FIGN: variants seen among roughly 807,000 people sequenced by gnomAD.
The protein encoded by FIGN is fidgetin.
In FIGN, 11 loss-of-function variants were observed where a neutral mutation model predicts 51.3. The observed-to-expected ratio is 0.21, with a 90% CI of 0.13 to 0.35. FIGN has a LOEUF of 0.35. Among genes scored for constraint, FIGN ranks in the 10% least tolerant of loss-of-function variants. FIGN has a pLI of 1.00. For synonymous variants in FIGN, 407 were observed against 363.2 expected (o/e 1.12, Z -1.37); for missense variants, 857 against 943.6 (o/e 0.91, Z 1.20).
chr2:163,662,577 C>A (rs1381464472), intron 2 of FIGN, among the ~76,000 whole-genome samples: 1 of 152,172 alleles, frequency 6.6e-6, no homozygotes, highest in Admixed American at 6.5e-5. Context: ...CCATCACAGG[C>A]CCAGAGGCTG....
intron 2 of FIGN, among the ~76,000 whole-genome samples, chr2:163,618,734 C>A (rs1682919173): frequency 6.6e-6 from 1 of 152,096 alleles, no homozygotes; most frequent in Non-Finnish European, 1.5e-5. Flanking sequence ...CATATCCTAC[C>A]CTTTCCACTT....
intron 2 of FIGN, among the ~76,000 whole-genome samples, chr2:163,687,308 T>A (rs1211322193): frequency 6.6e-6 from 1 of 152,152 alleles, no homozygotes; most frequent in Non-Finnish European, 1.5e-5. Flanking sequence ...AACAAAACCT[T>A]TCTCCAGAGC....
intron 2 of FIGN, chr2:163,612,722 T>TG: frequency 1.9e-5 from 4 of 210,258 alleles, no homozygotes; most frequent in African/African-American, 3.0e-5. Context: ...GTGTGTGTAT[T>TG]TATACACATC....
chr2:163,719,775 G>A (rs984824942), intron 2 of FIGN, among the ~76,000 whole-genome samples: 1 of 152,114 alleles, frequency 6.6e-6, no homozygotes, highest in African/African-American at 2.4e-5. Context: ...CTTTGATCAC[G>A]TAGCATATCA....
chr2:163,702,655 C>G (rs1684427288), intron 2 of FIGN, among the ~76,000 whole-genome samples: 1 of 152,042 alleles, frequency 6.6e-6, no homozygotes, highest in Admixed American at 6.6e-5. Flanking sequence ...TTATGAACAT[C>G]ATATGATTAA....
At chr2:163,726,705 A>T (rs1375208891) in intron 2 of FIGN, among the ~76,000 whole-genome samples, 12 of 152,116 alleles carry the variant, frequency 7.9e-5, no homozygotes, top group Non-Finnish European at 1.8e-4. Context: ...ACAAGAACAT[A>T]TTCCATTTAG....
At chr2:163,726,908 C>T (rs909597018) in intron 2 of FIGN, among the ~76,000 whole-genome samples, 1 of 151,956 alleles carries the variant, frequency 6.6e-6, no homozygotes, top group African/African-American at 2.4e-5. Flanking sequence ...CTGTTTATTT[C>T]ATAGTATTTG....
chr2:163,734,744 GA>G (rs745437884), intron 2 of FIGN, among the ~76,000 whole-genome samples, 158 bp downstream of exon 2: 1 of 151,350 alleles, frequency 6.6e-6, no homozygotes, highest in African/African-American at 2.4e-5. Context: ...GATAGCAAAA[GA>G]AAAAAAAGCA....
chr2:163,718,736 T>A (rs1173738703), intron 2 of FIGN, among the ~76,000 whole-genome samples: 1 of 152,030 alleles, frequency 6.6e-6, no homozygotes, highest in Admixed American at 6.6e-5. Context: ...AAAATCCCCA[T>A]ATCAAATAAG....
chr2:163,611,008 A>T lies in FIGN; in HGVS notation c.824T>A (p.Leu275Gln). 6.2e-7 allele frequency: 1 copy of T among 1,613,826 alleles called. No individual in the cohort carries two copies. Among genetic ancestry groups the T allele is most frequent in the Non-Finnish European group, 8.5e-7 (1 of 1,180,006 alleles). Residue 275 changes from leucine to glutamine, a missense_variant, in exon 3 of 3, where the codon CTG (leucine) becomes CAG (glutamine). Physicochemically the swap from Leu to Gln is moderately radical, Grantham distance 113 (BLOSUM62 -2). This residue lies in a region of FIGN where 799 missense variants were observed against 849.5 expected (regional missense o/e 0.94). Transcript: ENST00000333129. ...GGTGGGAGCAGGAATTCCTGAAGGC[A>T]GGTACGCTGAAGGCGGAGGCGGTGC... Reference protein sequence around the residue: ...GGAPPPPSAYLPSGIPAPTPL... With the variant: ...GGAPPPPSAYQPSGIPAPTPL...
At chr2:163,701,275 G>A (rs1415042102) in intron 2 of FIGN, among the ~76,000 whole-genome samples, 1 of 152,146 alleles carries the variant, frequency 6.6e-6, no homozygotes, top group Non-Finnish European at 1.5e-5. Context: ...ATTGTGAGAA[G>A]CAAGGAAAGT....
intron 2 of FIGN, among the ~76,000 whole-genome samples, chr2:163,675,130 T>G (rs1023812561): frequency 6.6e-6 from 1 of 152,232 alleles, no homozygotes; most frequent in Non-Finnish European, 1.5e-5. Flanking sequence ...TTTCTTCTTA[T>G]TGATCCAAAA....
Position 163,604,935 on chromosome 2 carries a change from G to GTTTTTTTTTTTT in FIGN, c.*4616_*4617insAAAAAAAAAAAA, listed in dbSNP as rs1574218376. Reference sequence around the variant, plus strand: ...GTTTTAAGCCCAGAAATAAACTTTTGCTTTTTTTTTTTTTTTTTTTGTATC... The same window carrying GTTTTTTTTTTTT: ...GTTTTAAGCCCAGAAATAAACTTTTGTTTTTTTTTTTTCTTTTTTTTTTTTTTTTTTTGTATC... On this transcript the variant is annotated 3_prime_UTR_variant, in exon 3 of 3. Transcript: ENST00000333129. 1 of 11,742 alleles carries GTTTTTTTTTTTT rather than the reference G, an allele frequency of 8.5e-5. No individual in the cohort carries two copies. The highest frequency in any genetic ancestry group is 2.1e-4 in the Non-Finnish European group (1 of 4,790). The allele number at this position is 11,742 out of a possible 1,614,324, so 0.7% of individuals were successfully genotyped here. A position where few individuals can be genotyped will look rare whatever the true frequency, so the allele number is the denominator to read the frequency against.
intron 2 of FIGN, among the ~76,000 whole-genome samples, chr2:163,665,275 C>T (rs910948862): frequency 2.6e-5 from 4 of 152,316 alleles, no homozygotes; most frequent in African/African-American, 4.8e-5. Context: ...CATAGCCTTG[C>T]GGCTTAAGAG....
chr2:163,659,407 T>C (rs550438753), intron 2 of FIGN, among the ~76,000 whole-genome samples: 1 of 152,266 alleles, frequency 6.6e-6, no homozygotes, highest in Admixed American at 6.5e-5. Flanking sequence ...AATGCATTCT[T>C]TAAATGAATC....
chr2:163,672,936 G>A (rs1220021024), intron 2 of FIGN, among the ~76,000 whole-genome samples: 1 of 152,056 alleles, frequency 6.6e-6, no homozygotes, highest in African/African-American at 2.4e-5. Flanking sequence ...TTTCCAAAGA[G>A]GAAAGAGATA....
At chr2:163,692,823 C>T (rs1052499846) in intron 2 of FIGN, among the ~76,000 whole-genome samples, 8 of 152,196 alleles carry the variant, frequency 5.3e-5, no homozygotes, top group African/African-American at 1.4e-4. Context: ...ATGAAACCTA[C>T]GACCTCTGTA....
intron 2 of FIGN, among the ~76,000 whole-genome samples, chr2:163,720,829 T>C (rs1684745106): frequency 6.6e-6 from 1 of 152,202 alleles, no homozygotes; most frequent in Non-Finnish European, 1.5e-5. Context: ...TATGTAGTTG[T>C]ATTGGCCTGA....
chr2:163,722,924 C>T (rs1031374462), intron 2 of FIGN, among the ~76,000 whole-genome samples: 12 of 151,888 alleles, frequency 7.9e-5, no homozygotes, highest in African/African-American at 2.7e-4. Flanking sequence ...TGGTGGCTCA[C>T]GCCTGTAATC....
Sources: allele counts gnomAD v4.1 joint callset (sites outside exome capture counted in the v4.1 genomes callset), GRCh38; gene constraint gnomAD v4.1.1; regional missense constraint gnomAD v4.1.1; transcripts MANE v1.5; gene names NCBI Gene and HGNC (gene_info 2026-07-23, HGNC 2026-07-21).